ANAPC10: variants seen among roughly 807,000 people sequenced by gnomAD.
The protein encoded by ANAPC10 is anaphase-promoting complex subunit 10.
ANAPC10 carries 12 observed loss-of-function variants against 22.0 expected under a neutral mutation model. That is an observed-to-expected ratio of 0.55 (90% CI 0.35 to 0.88). The LOEUF (loss-of-function observed/expected upper bound fraction) is 0.88. Among genes scored for constraint, ANAPC10 ranks in the 40% least tolerant of loss-of-function variants. The probability of loss-of-function intolerance (pLI) is 0.01; values close to 1 mark genes in which losing one functional copy is unlikely to be tolerated. For missense variants in ANAPC10, 188 were observed against 220.9 expected, an observed-to-expected ratio of 0.85 and a Z score of 0.94; for synonymous variants, 65 against 69.5, an observed-to-expected ratio of 0.94 and a Z score of 0.32.
intron 4 of ANAPC10, among the ~76,000 whole-genome samples, chr4:145,020,433 A>G (rs761826488): frequency 5.9e-5 from 9 of 152,162 alleles, no homozygotes; most frequent in African/African-American, 9.7e-5. Context: ...ACATACCTCA[A>G]TGTAATAAAA....
Position 145,016,972 on chromosome 4 carries a change from A to C in ANAPC10, c.328-21369T>G, listed in dbSNP as rs551659859. Among the ~76,000 whole-genome samples the C allele has an allele frequency of 2.0e-5, 3 of 152,332 alleles. No homozygotes were observed. In the East Asian group the frequency reaches 5.8e-4, roughly 29 times the overall value. On this transcript the variant is annotated intron_variant, in intron 4 of 4. Transcript: ENST00000507656. ...TTACACCTTACACAAAAATTAATTC[A>C]AGATGGATTAAAGACTTAAATGTTA...
chr4:145,053,557 T>A, intron 4 of ANAPC10: 1 of 410,280 alleles, frequency 2.4e-6, no homozygotes, highest in South Asian at 8.9e-5. Flanking sequence ...TAAGCTACGG[T>A]TTCTGTTTTG....
chr4:145,052,383 CT>C (rs1318805992), intron 4 of ANAPC10, among the ~76,000 whole-genome samples: 1 of 152,038 alleles, frequency 6.6e-6, no homozygotes, highest in African/African-American at 2.4e-5. Flanking sequence ...ACACAATTTT[CT>C]GTCAATTTAA....
At chr4:145,049,540 A>G (rs1232516912) in intron 4 of ANAPC10, among the ~76,000 whole-genome samples, 2 of 152,214 alleles carry the variant, frequency 1.3e-5, no homozygotes, top group Non-Finnish European at 2.9e-5. Flanking sequence ...TTCAAGTTTT[A>G]TAATGAGATT....
chr4:145,045,556 T>G (rs968126961), intron 4 of ANAPC10, among the ~76,000 whole-genome samples: 1 of 152,122 alleles, frequency 6.6e-6, no homozygotes, highest in Non-Finnish European at 1.5e-5. Flanking sequence ...CAATTATTAA[T>G]GATCAACAAC....
chr4:144,999,956 G>A (rs917393842), intron 4 of ANAPC10, among the ~76,000 whole-genome samples: 4 of 152,162 alleles, frequency 2.6e-5, no homozygotes, highest in Non-Finnish European at 5.9e-5. Flanking sequence ...ATGGGGAAAG[G>A]ATTCTCTATT....
intron 4 of ANAPC10, among the ~76,000 whole-genome samples, chr4:145,038,627 C>A (rs1738989965): frequency 6.6e-6 from 1 of 151,970 alleles, no homozygotes; most frequent in African/African-American, 2.4e-5. Flanking sequence ...GAGTTCGAGA[C>A]CAGCCTAACA....
At chr4:145,048,112 T>A (rs1357029727) in intron 4 of ANAPC10, among the ~76,000 whole-genome samples, 1 of 152,192 alleles carries the variant, frequency 6.6e-6, no homozygotes, top group Non-Finnish European at 1.5e-5. Flanking sequence ...CTAATCTGCC[T>A]TGGATTCTTT....
At chr4:145,081,888 T>G (rs34267023) in intron 2 of ANAPC10, 138 bp from the exon 3 acceptor site, 1 of 687,058 alleles carries the variant, frequency 1.5e-6, no homozygotes, top group Non-Finnish European at 2.5e-6. Flanking sequence ...TTTTATTTAT[T>G]TTTTGTAGAC....
At chr4:145,069,550 A>T (rs1744189865) in intron 3 of ANAPC10, among the ~76,000 whole-genome samples, 2 of 152,188 alleles carry the variant, frequency 1.3e-5, no homozygotes, top group South Asian at 4.1e-4. Flanking sequence ...CCGAAGTGGT[A>T]AGTCCTCTTC....
chr4:145,098,064 T>C (rs1188546944), intron 1 of ANAPC10, 56 bp downstream of exon 1: 1 of 155,182 alleles, frequency 6.4e-6, no homozygotes, highest in African/African-American at 2.4e-5. Context: ...GAGAGGCGAA[T>C]GCATCTGTTT....
chr4:144,994,938 G>C lies in ANAPC10; in HGVS notation c.*435C>G, dbSNP rs1055358971. ...AACCTTCCTCTGGGTAGAAAAAATA[G>C]TAATTTTGACCTATTAAAGATGATA... On this transcript the variant is annotated 3_prime_UTR_variant, in exon 5 of 5. Coordinates refer to ENST00000507656, the MANE Select transcript of ANAPC10 (RefSeq NM_001256706.2). 6.5e-6 allele frequency: 1 copy of C among 153,294 alleles called. No homozygotes were observed. The highest frequency in any genetic ancestry group is 1.5e-5 in the Non-Finnish European group (1 of 68,930). 9.5% of individuals were successfully genotyped at this position (153,294 alleles called of 1,614,324 possible).
At chr4:145,084,926 A>T (rs1048914760) in intron 2 of ANAPC10, among the ~76,000 whole-genome samples, 1 of 152,234 alleles carries the variant, frequency 6.6e-6, no homozygotes, top group African/African-American at 2.4e-5. Context: ...CGTAGCTACT[A>T]TAAAATTCCC....
At chr4:144,997,140 T>A (rs1259128450) in intron 4 of ANAPC10, among the ~76,000 whole-genome samples, 1 of 152,166 alleles carries the variant, frequency 6.6e-6, no homozygotes, top group Non-Finnish European at 1.5e-5. Flanking sequence ...ACGGCCAGAA[T>A]GGAACCAAGG....
intron 4 of ANAPC10, among the ~76,000 whole-genome samples, chr4:145,046,571 T>C (rs546746697): frequency 1.3e-5 from 2 of 152,202 alleles, no homozygotes; most frequent in South Asian, 4.1e-4. Context: ...AGCTAAATAC[T>C]AGGAAGCTTA....
At chr4:145,054,944 C>T (rs1741826296) in intron 4 of ANAPC10, among the ~76,000 whole-genome samples, 1 of 152,122 alleles carries the variant, frequency 6.6e-6, no homozygotes, top group African/African-American at 2.4e-5. Flanking sequence ...TGGCCCTTCA[C>T]CTTACCCACC....
intron 3 of ANAPC10, 85 bp downstream of exon 3, chr4:145,081,575 T>C: frequency 1.1e-6 from 1 of 876,082 alleles, no homozygotes; most frequent in Non-Finnish European, 1.8e-6. Flanking sequence ...CATTGTAATT[T>C]CTATCTTTAA....
At chr4:145,007,929 A>G (rs763734691) in intron 4 of ANAPC10, among the ~76,000 whole-genome samples, 1 of 152,134 alleles carries the variant, frequency 6.6e-6, no homozygotes, top group Non-Finnish European at 1.5e-5. Context: ...CAAAATTGAT[A>G]GACCGCTAGC....
At chr4:145,037,557 G>C (rs1738780608) in intron 4 of ANAPC10, among the ~76,000 whole-genome samples, 1 of 152,036 alleles carries the variant, frequency 6.6e-6, no homozygotes. Flanking sequence ...CTGAGAAACA[G>C]GTGGGGGCAT....
Sources: allele counts gnomAD v4.1 joint callset (sites outside exome capture counted in the v4.1 genomes callset), GRCh38; gene constraint gnomAD v4.1.1; transcripts MANE v1.5; gene names NCBI Gene and HGNC (gene_info 2026-07-23, HGNC 2026-07-21).